CCDC3: variants seen among roughly 807,000 people sequenced by gnomAD.
CCDC3 encodes the protein coiled-coil domain-containing protein 3.
Under a neutral mutation model 21.4 loss-of-function variants are expected in CCDC3, and 24 were observed. That is an observed-to-expected ratio of 1.12 (90% CI 0.81 to 1.58). CCDC3 has a LOEUF of 1.58. Ranked by LOEUF, CCDC3 falls within the 40% of genes most tolerant of loss-of-function variation. The pLI, the probability that CCDC3 is intolerant of heterozygous loss-of-function variation, is 0.00. For missense variants in CCDC3, 425 were observed against 360.9 expected (o/e 1.18, Z -1.44); for synonymous variants, 186 against 166.0 (o/e 1.12, Z -0.93).
intron 2 of CCDC3, among the ~76,000 whole-genome samples, chr10:12,933,044 G>A (rs1481318339): frequency 1.3e-5 from 2 of 152,136 alleles, no homozygotes; most frequent in African/African-American, 4.8e-5. Context: ...TTTATATACT[G>A]TTGGATTTGA....
intron 2 of CCDC3, among the ~76,000 whole-genome samples, chr10:12,902,073 G>A (rs1191396461): frequency 1.3e-5 from 2 of 152,180 alleles, no homozygotes; most frequent in Non-Finnish European, 2.9e-5. Context: ...GTACCTGGTG[G>A]CACTAGGAGA....
intron 2 of CCDC3, among the ~76,000 whole-genome samples, chr10:12,950,837 T>TG (rs1214280081): frequency 1.3e-5 from 2 of 152,100 alleles, no homozygotes; most frequent in African/African-American, 4.8e-5. Context: ...GAGGAAGATA[T>TG]GGGGGGCTTG....
intron 2 of CCDC3, among the ~76,000 whole-genome samples, chr10:12,942,660 G>A (rs537538274): frequency 2.6e-5 from 4 of 152,256 alleles, no homozygotes; most frequent in Non-Finnish European, 5.9e-5. Context: ...ATTAGGGTGG[G>A]GTGGCCAGCT....
At chr10:13,085,711 A>G (rs1334476310) in intron 3 of CCDC3, among the ~76,000 whole-genome samples, 1 of 152,236 alleles carries the variant, frequency 6.6e-6, no homozygotes, top group African/African-American at 2.4e-5. Flanking sequence ...TCATGCCTAT[A>G]ATCCCAGCAC....
chr10:13,025,766 A>G (rs1040032330), intron 5 of CCDC3, among the ~76,000 whole-genome samples: 1 of 152,196 alleles, frequency 6.6e-6, no homozygotes, highest in Non-Finnish European at 1.5e-5. Context: ...TCACTCTCAG[A>G]TCAAGAACAC....
At chr10:13,058,441 A>C (rs622491) in intron 4 of CCDC3, 245,672 of 760,780 alleles carry the variant, frequency 0.32, 42,061 homozygotes, top group African/African-American at 0.4. Flanking sequence ...GTTCGTGTGC[A>C]TATGCTGCGC....
chr10:12,970,886 T>C (rs1835331735), intron 2 of CCDC3, among the ~76,000 whole-genome samples: 1 of 102,434 alleles, frequency 9.8e-6, no homozygotes, highest in Admixed American at 9.3e-5. Context: ...CAAGACTGTC[T>C]CAAAAAAAAA....
chr10:12,968,861 C>T (rs1420053353), intron 2 of CCDC3, among the ~76,000 whole-genome samples: 1 of 151,698 alleles, frequency 6.6e-6, no homozygotes, highest in Non-Finnish European at 1.5e-5. Context: ...AGTAGATACA[C>T]CAAAGATAGA....
At chr10:12,944,327 C>CT (rs1040172071) in intron 2 of CCDC3, among the ~76,000 whole-genome samples, 21 of 152,276 alleles carry the variant, frequency 1.4e-4, no homozygotes, top group African/African-American at 5.1e-4. Context: ...TGACAAGAAC[C>CT]TTGGCTTCCA....
chr10:12,923,849 T>TATTGA (rs2131219408), intron 2 of CCDC3, among the ~76,000 whole-genome samples: 1 of 152,320 alleles, frequency 6.6e-6, no homozygotes, highest in South Asian at 2.1e-4. Flanking sequence ...TCAGACAACC[T>TATTGA]CTGCTGTCAT....
chr10:12,942,159 G>A (rs528452630), intron 2 of CCDC3, among the ~76,000 whole-genome samples: 1 of 152,246 alleles, frequency 6.6e-6, no homozygotes, highest in East Asian at 1.9e-4. Context: ...CTCATCAGAA[G>A]AAAAATGACA....
chr10:13,034,651 C>A lies in CCDC3; in HGVS notation c.-2+15023G>T, dbSNP rs185516443. ...TTTTTGTATTAGTTCAGTCCAGATTCCTCTAAACTATTATTCCTGTAATAA... is the reference window on the plus strand; with the variant it reads ...TTTTTGTATTAGTTCAGTCCAGATTACTCTAAACTATTATTCCTGTAATAA... On this transcript the variant is annotated intron_variant, in intron 5 of 6. Coordinates refer to the CCDC3 transcript ENST00000378839. Among the ~76,000 whole-genome samples the A allele has an allele frequency of 3.0e-4, 46 of 152,158 alleles. 1 individual carries two copies. In the East Asian group the frequency reaches 8.7e-3, roughly 29 times the overall value.
intron 2 of CCDC3, among the ~76,000 whole-genome samples, chr10:12,993,880 C>T (rs1384782490): frequency 6.6e-6 from 1 of 152,142 alleles, no homozygotes; most frequent in African/African-American, 2.4e-5. Flanking sequence ...ACTTTGCTCC[C>T]AAGGACTGAG....
intron 5 of CCDC3, among the ~76,000 whole-genome samples, chr10:13,016,448 T>G (rs1268250095): frequency 6.6e-6 from 1 of 151,958 alleles, no homozygotes; most frequent in Non-Finnish European, 1.5e-5. Context: ...ACATTCTTCC[T>G]ATGATATCAT....
At chr10:12,939,629 AATTCT>A (rs1834788607) in intron 2 of CCDC3, among the ~76,000 whole-genome samples, 3 of 5,076 alleles carry the variant, frequency 5.9e-4, no homozygotes, top group Admixed American at 2.7e-3. Flanking sequence ...GGAGCGGATC[AATTCT>A]GTCCAGATGA....
intron 4 of CCDC3, among the ~76,000 whole-genome samples, chr10:13,055,237 C>T (rs573034450): frequency 1.6e-4 from 25 of 152,314 alleles, no homozygotes; most frequent in East Asian, 9.7e-4. Flanking sequence ...AAGCTGCCTA[C>T]GCCCAGAACT....
chr10:12,957,808 G>A (rs1185764405), intron 2 of CCDC3, among the ~76,000 whole-genome samples: 1 of 152,166 alleles, frequency 6.6e-6, no homozygotes, highest in Non-Finnish European at 1.5e-5. Flanking sequence ...TCAATAGTTT[G>A]TTGAACCGTG....
At chr10:13,076,325 G>T (rs1363825495) in intron 3 of CCDC3, among the ~76,000 whole-genome samples, 1 of 152,202 alleles carries the variant, frequency 6.6e-6, no homozygotes, top group African/African-American at 2.4e-5. Flanking sequence ...TCTTGGGTGA[G>T]GACTAGGAAA....
At chr10:13,050,334 G>A (rs1836587850) in intron 4 of CCDC3, among the ~76,000 whole-genome samples, 1 of 152,210 alleles carries the variant, frequency 6.6e-6, no homozygotes, top group Non-Finnish European at 1.5e-5. Flanking sequence ...TAAACAGCAG[G>A]AGGCAGGTGT....
Sources: allele counts gnomAD v4.1 joint callset (sites outside exome capture counted in the v4.1 genomes callset), GRCh38; gene constraint gnomAD v4.1.1; transcripts MANE v1.5; gene names NCBI Gene and HGNC (gene_info 2026-07-23, HGNC 2026-07-21).